VWC2L: variants seen among roughly 807,000 people sequenced by gnomAD.
The protein encoded by VWC2L is von Willebrand factor C domain containing 2 like, also known as von Willebrand factor C domain-containing protein 2-like.
Under a neutral mutation model 21.6 loss-of-function variants are expected in VWC2L, and 10 were observed. That is an observed-to-expected ratio of 0.46 (90% CI 0.29 to 0.78). The LOEUF (loss-of-function observed/expected upper bound fraction) is 0.78, where lower values mean the gene tolerates loss of function less well. Among genes scored for constraint, VWC2L ranks in the 30% least tolerant of loss-of-function variants. VWC2L has a pLI of 0.10. For synonymous variants in VWC2L, 96 were observed against 94.3 expected, an observed-to-expected ratio of 1.02 and a Z score of -0.10; for missense variants, 209 against 277.1, an observed-to-expected ratio of 0.75 and a Z score of 1.74.
chr2:214,417,221 C>G (rs993279018), intron 2 of VWC2L, among the ~76,000 whole-genome samples: 1 of 152,052 alleles, frequency 6.6e-6, no homozygotes, highest in Non-Finnish European at 1.5e-5. Context: ...ATATATTCAT[C>G]CAACAAGCAT....
chr2:214,453,581 C>T (rs1293752774), intron 3 of VWC2L, among the ~76,000 whole-genome samples: 1 of 152,168 alleles, frequency 6.6e-6, no homozygotes, highest in Non-Finnish European at 1.5e-5. Context: ...AGCATCTTAA[C>T]AATACTGAGC....
chr2:214,500,192 CATCT>C (rs1688872197), intron 3 of VWC2L, among the ~76,000 whole-genome samples: 1 of 152,204 alleles, frequency 6.6e-6, no homozygotes, highest in Non-Finnish European at 1.5e-5. Context: ...TAAACGGCAT[CATCT>C]ATCTTAGAAA....
chr2:214,433,001 AAC>A (rs1702622632), intron 2 of VWC2L, among the ~76,000 whole-genome samples: 1 of 151,376 alleles, frequency 6.6e-6, no homozygotes, highest in African/African-American at 2.4e-5. Flanking sequence ...CAGTCTGGGC[AAC>A]ACAGTAAGAC....
At chr2:214,468,587 A>G (rs1430084049) in intron 3 of VWC2L, among the ~76,000 whole-genome samples, 6 of 152,232 alleles carry the variant, frequency 3.9e-5, no homozygotes, top group Non-Finnish European at 8.8e-5. Context: ...AGATTTTTCT[A>G]TAGATCGGCA....
intron 3 of VWC2L, among the ~76,000 whole-genome samples, chr2:214,567,215 C>T (rs976531640): frequency 3.9e-5 from 6 of 152,074 alleles, no homozygotes; most frequent in African/African-American, 1.4e-4. Context: ...GATTTAAAAT[C>T]ATAAAAGATC....
At chr2:214,472,937 A>G (rs1703330913) in intron 3 of VWC2L, among the ~76,000 whole-genome samples, 1 of 152,216 alleles carries the variant, frequency 6.6e-6, no homozygotes, top group Admixed American at 6.5e-5. Context: ...GATATGTCTC[A>G]TATGTAATCA....
chr2:214,472,378 A>T (rs1201796226), intron 3 of VWC2L: 1 of 152,252 alleles, frequency 6.6e-6, no homozygotes, highest in African/African-American at 2.4e-5. Context: ...AACATTTTTC[A>T]CTAGAGTCTA....
chr2:214,489,135 C>T (rs59280417), intron 3 of VWC2L, among the ~76,000 whole-genome samples: 2,236 of 152,150 alleles, frequency 0.015, 63 homozygotes, highest in African/African-American at 0.05. Context: ...GGGTTTAGTC[C>T]CCAATCTCTT....
chr2:214,430,268 A>G (rs933437223), intron 2 of VWC2L, among the ~76,000 whole-genome samples: 1 of 152,058 alleles, frequency 6.6e-6, no homozygotes, highest in South Asian at 2.1e-4. Flanking sequence ...TTGTTTTCCA[A>G]TCTTCTAATA....
rs115001146 is a variant in VWC2L, at chr2:214,514,490, T to A, written c.521-61182T>A. ...TGCAGTTACAGATACAGAGAAATAA[T>A]GGAATAGTAGTAAACTTAGTTATTT... On this transcript the variant is annotated intron_variant, in intron 3 of 3. Transcript: ENST00000312504. 2.2e-3 allele frequency among the ~76,000 whole-genome samples: 338 copies of A among 152,340 alleles called. 1 individual carries two copies. The highest frequency in any genetic ancestry group is 3.5e-3 in the Non-Finnish European group (240 of 68,034).
chr2:214,459,902 C>CTTTTTTTTTT lies in VWC2L; in HGVS notation c.520+23157_520+23166dup, dbSNP rs57351904. On this transcript the variant is annotated intron_variant, in intron 3 of 3. Coordinates refer to ENST00000312504, the MANE Select transcript of VWC2L (RefSeq NM_001080500.4). ...TCTAGAATTATTTCTTTTCCTTTGA[C>CTTTTTTTTTT]TTTTTTTTTTTTTTTTTTTTTTGAG... Among the ~76,000 whole-genome samples the CTTTTTTTTTT allele has an allele frequency of 3.8e-4, 32 of 85,156 alleles. 1 individual carries two copies. The highest frequency in any genetic ancestry group is 6.1e-4 in the African/African-American group (12 of 19,702). The allele number at this position is 85,156 out of a possible 152,430, so 55.9% of individuals were successfully genotyped here. A position where few individuals can be genotyped will look rare whatever the true frequency, so the allele number is the denominator to read the frequency against.
intron 3 of VWC2L, among the ~76,000 whole-genome samples, chr2:214,462,466 A>G (rs575066361): frequency 4.6e-4 from 70 of 152,318 alleles, no homozygotes; most frequent in Non-Finnish European, 6.5e-4. Flanking sequence ...CTTATTTAAA[A>G]TGTGATTATC....
intron 3 of VWC2L, among the ~76,000 whole-genome samples, chr2:214,490,052 T>C (rs2126200644): frequency 6.6e-6 from 1 of 152,308 alleles, no homozygotes; most frequent in Admixed American, 6.5e-5. Flanking sequence ...ATCCAGCCAG[T>C]CTGCCACAAA....
At chr2:214,477,678 C>T (rs1219088881) in intron 3 of VWC2L, among the ~76,000 whole-genome samples, 4 of 152,246 alleles carry the variant, frequency 2.6e-5, no homozygotes, top group Non-Finnish European at 5.9e-5. Context: ...TCTTGCCTAA[C>T]ATCATATAAC....
At chr2:214,489,890 G>C (rs1285892118) in intron 3 of VWC2L, among the ~76,000 whole-genome samples, 2 of 152,168 alleles carry the variant, frequency 1.3e-5, no homozygotes, top group East Asian at 3.9e-4. Context: ...GATAGAAAAA[G>C]AGAGAGAATG....
intron 3 of VWC2L, among the ~76,000 whole-genome samples, chr2:214,453,890 T>C (rs1703013807): frequency 1.3e-5 from 2 of 151,906 alleles, no homozygotes; most frequent in Non-Finnish European, 1.5e-5. Flanking sequence ...CCAGCTAATT[T>C]TTTGCATTTT....
chr2:214,562,102 G>C (rs1457626876), intron 3 of VWC2L, among the ~76,000 whole-genome samples: 1 of 151,822 alleles, frequency 6.6e-6, no homozygotes, highest in African/African-American at 2.4e-5. Flanking sequence ...CATCACCCAG[G>C]TATTAAGCCC....
intron 3 of VWC2L, among the ~76,000 whole-genome samples, chr2:214,534,962 T>A (rs1398924118): frequency 6.6e-6 from 1 of 152,070 alleles, no homozygotes; most frequent in Admixed American, 6.6e-5. Context: ...AGAGGTTAAG[T>A]CTCTGGACTG....
At chr2:214,411,911 G>A (rs1260592231) in intron 1 of VWC2L, 125 bp downstream of exon 1, 1 of 151,956 alleles carries the variant, frequency 6.6e-6, no homozygotes, top group African/African-American at 2.4e-5. Flanking sequence ...CCTCAGTTTA[G>A]CAGTGTTTGC....
Sources: allele counts gnomAD v4.1 joint callset (sites outside exome capture counted in the v4.1 genomes callset), GRCh38; gene constraint gnomAD v4.1.1; transcripts MANE v1.5; gene names NCBI Gene and HGNC (gene_info 2026-07-23, HGNC 2026-07-21).